Variants in CHEK2 observed in about 807,000 individuals in gnomAD.
CHEK2 encodes checkpoint kinase 2.
A neutral mutation model predicts 69.1 loss-of-function variants in CHEK2; 71 were observed. The ratio of observed to expected loss-of-function variants is 1.03; its 90% CI spans 0.85 to 1.25. The LOEUF (loss-of-function observed/expected upper bound fraction) is 1.25, where lower values mean the gene tolerates loss of function less well. Among genes scored for constraint, CHEK2 ranks in the 50% most tolerant of loss-of-function variants. CHEK2 has a pLI of 0.00. For missense variants in CHEK2, 664 were observed against 649.6 expected (o/e 1.02, Z -0.24); for synonymous variants, 189 against 226.9 (o/e 0.83, Z 1.50).
intron 2 of CHEK2, among the ~76,000 whole-genome samples, chr22:28,732,807 G>A (rs114930785): frequency 0.01 from 1,546 of 152,092 alleles, 23 homozygotes; most frequent in African/African-American, 0.036. Context: ...TGCAATGTAA[G>A]CGAAAGGAAA....
At chr22:28,722,341 C>CCA (rs1319491157) in intron 4 of CHEK2, among the ~76,000 whole-genome samples, 1 of 151,470 alleles carries the variant, frequency 6.6e-6, no homozygotes, top group Non-Finnish European at 1.5e-5. Flanking sequence ...GAGATGGAGA[C>CCA]CATCCTGGCT....
At chr22:28,688,017 A>G (rs757316754) in intron 14 of CHEK2, 31 bp from the exon 15 acceptor site, 1 of 1,506,732 alleles carries the variant, frequency 6.6e-7, no homozygotes, top group Non-Finnish European at 9.1e-7. Context: ...AGAAATGTTC[A>G]AAAGAAAATC....
At chr22:28,701,905 A>G (rs916420631) in intron 8 of CHEK2, among the ~76,000 whole-genome samples, 4 of 152,130 alleles carry the variant, frequency 2.6e-5, no homozygotes, top group Non-Finnish European at 5.9e-5. Context: ...CCCTTTATAT[A>G]AAATGGCGTA....
chr22:28,722,877 T>C (rs556921358), intron 4 of CHEK2, among the ~76,000 whole-genome samples: 1 of 152,158 alleles, frequency 6.6e-6, no homozygotes, highest in East Asian at 1.9e-4. Flanking sequence ...CCGCAGCCCC[T>C]AGAGGCATGA....
chr22:28,701,115 T>C (rs1480604680), intron 8 of CHEK2, among the ~76,000 whole-genome samples: 1 of 152,098 alleles, frequency 6.6e-6, no homozygotes, highest in Non-Finnish European at 1.5e-5. Flanking sequence ...ATTAACTGTG[T>C]TAACTGGATT....
chr22:28,699,366 T>TC (rs202105190), intron 9 of CHEK2, among the ~76,000 whole-genome samples: 4,438 of 136,544 alleles, frequency 0.033, 199 homozygotes, highest in African/African-American at 0.094. Context: ...CTTTTTCTTT[T>TC]TTTTTTTTTT....
intron 5 of CHEK2, among the ~76,000 whole-genome samples, chr22:28,714,818 T>C (rs896241099): frequency 2.0e-5 from 3 of 152,144 alleles, no homozygotes; most frequent in African/African-American, 7.2e-5. Context: ...TTATGTATGG[T>C]ATGAGGTAAG....
At chr22:28,697,161 G>C (rs568693812) in intron 9 of CHEK2, among the ~76,000 whole-genome samples, 174 bp from the exon 10 acceptor site, 64 of 152,100 alleles carry the variant, frequency 4.2e-4, no homozygotes, top group Non-Finnish European at 8.1e-4. Flanking sequence ...ATTTGTTTGA[G>C]AAGATCTTTA....
At chr22:28,708,915 T>A in intron 7 of CHEK2, 1 of 345,600 alleles carries the variant, frequency 2.9e-6, no homozygotes, top group Non-Finnish European at 5.6e-6. Flanking sequence ...ATTGCGCCAC[T>A]GTACTCCAGC....
rs4035547 is a variant in CHEK2, at chr22:28,689,128, C to A, written c.1542+7G>T. ...CTACATTTAGTGATCATCAGGAATA[C>A]GAATACCTGGGCTAGAACCTGGGGT... On this transcript the variant is annotated splice_region_variant and intron_variant, in intron 14 of 14. Transcript: ENST00000404276. 6.3e-7 allele frequency: 1 copy of A among 1,582,248 alleles called. No homozygotes were observed. Among genetic ancestry groups the A allele is most frequent in the Non-Finnish European group, 8.6e-7 (1 of 1,167,184 alleles).
At chr22:28,730,593 C>T in intron 2 of CHEK2, 1 of 660,334 alleles carries the variant, frequency 1.5e-6, no homozygotes, top group East Asian at 2.8e-5. Context: ...CACGGTGGCT[C>T]ATGCCTGTAA....
intron 13 of CHEK2, among the ~76,000 whole-genome samples, chr22:28,692,178 G>A (rs1346059530): frequency 6.6e-6 from 1 of 152,174 alleles, no homozygotes; most frequent in Non-Finnish European, 1.5e-5. Context: ...CTGTTCCCAG[G>A]CTCAACTGGC....
chr22:28,693,743 C>A (rs1215448884), intron 13 of CHEK2, among the ~76,000 whole-genome samples: 1 of 152,124 alleles, frequency 6.6e-6, no homozygotes, highest in East Asian at 1.9e-4. Context: ...CCTGTAATCC[C>A]AGCTACTTGG....
chr22:28,730,364 G>A (rs908214275), intron 2 of CHEK2: 3 of 472,252 alleles, frequency 6.4e-6, no homozygotes, highest in Non-Finnish European at 1.1e-5. Context: ...AAGGGGAAAG[G>A]AAAAGGAAAA....
At chr22:28,705,101 C>T (rs570207862) in intron 7 of CHEK2, among the ~76,000 whole-genome samples, 72 of 141,540 alleles carry the variant, frequency 5.1e-4, no homozygotes, top group Non-Finnish European at 7.9e-4. Context: ...TTTTTTGAGA[C>T]GGAGTCTTGC....
chr22:28,690,113 C>A (rs2052302674), intron 13 of CHEK2, among the ~76,000 whole-genome samples: 1 of 152,104 alleles, frequency 6.6e-6, no homozygotes, highest in Admixed American at 6.6e-5. Flanking sequence ...CCCCTCCTCC[C>A]ACTGAGCCAA....
intron 4 of CHEK2, among the ~76,000 whole-genome samples, chr22:28,722,313 G>A (rs2146031722): frequency 6.6e-6 from 1 of 151,970 alleles, no homozygotes; most frequent in Admixed American, 6.6e-5. Flanking sequence ...GGCCGAGGCG[G>A]AAGGATCACG....
At chr22:28,706,417 G>A (rs1040875579) in intron 7 of CHEK2, among the ~76,000 whole-genome samples, 1 of 152,090 alleles carries the variant, frequency 6.6e-6, no homozygotes, top group Non-Finnish European at 1.5e-5. Flanking sequence ...GAGTCATGTG[G>A]TCAGGTTTTT....
At chr22:28,721,163 G>A (rs1241879193) in intron 4 of CHEK2, among the ~76,000 whole-genome samples, 1 of 152,082 alleles carries the variant, frequency 6.6e-6, no homozygotes, top group Non-Finnish European at 1.5e-5. Context: ...ACTTTAATAA[G>A]GGTCACCTTT....
Sources: allele counts gnomAD v4.1 joint callset (sites outside exome capture counted in the v4.1 genomes callset), GRCh38; gene constraint gnomAD v4.1.1; transcripts MANE v1.5; gene names NCBI Gene and HGNC (gene_info 2026-07-23, HGNC 2026-07-21).